The following MACROD2 variants were observed in gnomAD, a reference collection of about 807,000 sequenced individuals.
MACROD2 encodes ADP-ribose glycohydrolase MACROD2.
A neutral mutation model predicts 70.4 loss-of-function variants in MACROD2; 36 were observed. That is an observed-to-expected ratio of 0.51 (90% CI 0.39 to 0.68). The LOEUF (loss-of-function observed/expected upper bound fraction) is 0.68. Ranked by LOEUF, MACROD2 falls within the 30% of genes least tolerant of loss-of-function variation. The pLI, the probability that MACROD2 is intolerant of heterozygous loss-of-function variation, is 0.00. For synonymous variants in MACROD2, 172 were observed against 178.8 expected (o/e 0.96, Z 0.30); for missense variants, 496 against 538.4 (o/e 0.92, Z 0.78).
chr20:14,645,249 A>G (rs971069001), intron 4 of MACROD2, among the ~76,000 whole-genome samples: 2 of 152,156 alleles, frequency 1.3e-5, no homozygotes, highest in Non-Finnish European at 2.9e-5. Context: ...TATTTACAAA[A>G]TATAAGTAAG....
chr20:15,101,549 G>T (rs868274337), intron 5 of MACROD2, among the ~76,000 whole-genome samples: 1 of 14,046 alleles, frequency 7.1e-5, no homozygotes, highest in African/African-American at 2.9e-4. Context: ...AAAAAAAAAA[G>T]CATTCTGGAG....
chr20:15,559,140 T>C (rs766723780), intron 8 of MACROD2, among the ~76,000 whole-genome samples: 4 of 139,856 alleles, frequency 2.9e-5, no homozygotes, highest in African/African-American at 8.2e-5. Context: ...GGCAGGAGAA[T>C]GGCGTGAACC....
chr20:14,576,285 A>G (rs2123333128), intron 4 of MACROD2, among the ~76,000 whole-genome samples: 1 of 152,296 alleles, frequency 6.6e-6, no homozygotes, highest in East Asian at 1.9e-4. Context: ...GCCAGTAGCA[A>G]CAGAGCTGCC....
intron 5 of MACROD2, among the ~76,000 whole-genome samples, chr20:14,863,740 A>G (rs2073397932): frequency 6.6e-6 from 1 of 152,122 alleles, no homozygotes; most frequent in African/African-American, 2.4e-5. Flanking sequence ...TCACATCAAT[A>G]CTATTAAAGA....
intron 8 of MACROD2, among the ~76,000 whole-genome samples, chr20:15,651,190 C>G (rs1290369773): frequency 6.6e-6 from 1 of 152,166 alleles, no homozygotes; most frequent in Non-Finnish European, 1.5e-5. Context: ...TGTGCCAAAT[C>G]CACCCATGCA....
intron 5 of MACROD2, among the ~76,000 whole-genome samples, chr20:14,951,347 A>G (rs1203008501): frequency 6.6e-6 from 1 of 152,134 alleles, no homozygotes; most frequent in Admixed American, 6.5e-5. Flanking sequence ...AGCCAAGTAC[A>G]CAGCAAGACT....
chr20:15,507,558 C>G lies in MACROD2; in HGVS notation c.645+7711C>G, dbSNP rs549951441. Among the ~76,000 whole-genome samples the G allele has an allele frequency of 2.6e-5, 4 of 151,374 alleles. No individual in the cohort carries two copies. In the East Asian group the frequency reaches 7.8e-4, roughly 30 times the overall value. On this transcript the variant is annotated intron_variant, in intron 8 of 17. Coordinates refer to ENST00000684519, the MANE Select transcript of MACROD2 (RefSeq NM_001351661.2). ...TTCCCCCCACCAGCCCGCCCCAGCC[C>G]AGACAATCCCTTATCACTCTGAGTC...
intron 8 of MACROD2, among the ~76,000 whole-genome samples, chr20:15,705,339 G>A (rs1210813965): frequency 3.3e-5 from 5 of 152,164 alleles, no homozygotes; most frequent in African/African-American, 1.2e-4. Flanking sequence ...CCAGAGTGAA[G>A]CAAAAGTTGA....
intron 2 of MACROD2, among the ~76,000 whole-genome samples, chr20:14,043,760 CAG>C (rs548407035): frequency 6.8e-4 from 103 of 152,152 alleles, no homozygotes; most frequent in Middle Eastern, 3.4e-3. Flanking sequence ...GATGGAAAGG[CAG>C]GGGAAAATTC....
intron 7 of MACROD2, among the ~76,000 whole-genome samples, chr20:15,463,398 A>G (rs1300339022): frequency 6.6e-6 from 1 of 152,202 alleles, no homozygotes; most frequent in East Asian, 1.9e-4. Flanking sequence ...GCAAAGGATA[A>G]TGGAGATGAC....
chr20:15,159,937 G>T (rs1325361353), intron 5 of MACROD2, among the ~76,000 whole-genome samples: 1 of 151,994 alleles, frequency 6.6e-6, no homozygotes, highest in South Asian at 2.1e-4. Flanking sequence ...GGAAGGAGAG[G>T]TATTTCAGGA....
intron 8 of MACROD2, among the ~76,000 whole-genome samples, chr20:15,838,571 C>T (rs148530728): frequency 3.3e-5 from 5 of 152,170 alleles, no homozygotes; most frequent in Non-Finnish European, 7.4e-5. Flanking sequence ...TATTTCATCC[C>T]CTTAGCTATT....
intron 5 of MACROD2, among the ~76,000 whole-genome samples, chr20:14,909,539 C>G (rs1488028892): frequency 1.3e-5 from 2 of 151,748 alleles, no homozygotes; most frequent in Non-Finnish European, 1.5e-5. Context: ...GTATACACAC[C>G]TACTCAAGAG....
chr20:14,792,123 T>C (rs971463826), intron 5 of MACROD2, among the ~76,000 whole-genome samples: 2 of 152,078 alleles, frequency 1.3e-5, no homozygotes, highest in Admixed American at 1.3e-4. Context: ...TCATGTATCA[T>C]GCATTTGGTA....
intron 5 of MACROD2, among the ~76,000 whole-genome samples, chr20:15,129,822 C>T (rs1601112570): frequency 1.3e-5 from 2 of 151,576 alleles, no homozygotes; most frequent in Admixed American, 1.3e-4. Flanking sequence ...GCATTTCTGC[C>T]TCTGCCTCCT....
intron 3 of MACROD2, among the ~76,000 whole-genome samples, chr20:14,288,963 A>G (rs984491984): frequency 6.6e-6 from 1 of 152,180 alleles, no homozygotes; most frequent in Non-Finnish European, 1.5e-5. Context: ...CTTGACAGAG[A>G]TGGCTCATGG....
At chr20:15,428,735 A>G (rs993716495) in intron 6 of MACROD2, among the ~76,000 whole-genome samples, 5 of 152,150 alleles carry the variant, frequency 3.3e-5, no homozygotes, top group Non-Finnish European at 7.4e-5. Flanking sequence ...GAAGCCTCCA[A>G]TGCCACATAC....
intron 12 of MACROD2, among the ~76,000 whole-genome samples, chr20:15,941,563 G>T (rs6043632): frequency 0.94 from 143,840 of 152,262 alleles, 68,331 homozygotes; most frequent in East Asian, 1. Context: ...TCATATGCGT[G>T]GAGGATTCAT....
chr20:14,802,938 A>G (rs1270759801), intron 5 of MACROD2, among the ~76,000 whole-genome samples: 1 of 151,982 alleles, frequency 6.6e-6, no homozygotes, highest in African/African-American at 2.4e-5. Context: ...CTATGATTCA[A>G]TTTTTTATTA....
Sources: allele counts gnomAD v4.1 joint callset (sites outside exome capture counted in the v4.1 genomes callset), GRCh38; gene constraint gnomAD v4.1.1; transcripts MANE v1.5; gene names NCBI Gene and HGNC (gene_info 2026-07-23, HGNC 2026-07-21).